The following GPC6 variants were observed in gnomAD, a reference collection of about 807,000 sequenced individuals.
GPC6 encodes the protein glypican 6.
Under a neutral mutation model 55.2 loss-of-function variants are expected in GPC6, and 14 were observed. That is an observed-to-expected ratio of 0.25 (90% CI 0.17 to 0.40). The LOEUF (loss-of-function observed/expected upper bound fraction) is 0.40. Ranked by LOEUF, GPC6 falls within the 10% of genes least tolerant of loss-of-function variation. The pLI is 1.00. For synonymous variants in GPC6, 278 were observed against 259.6 expected (o/e 1.07, Z -0.68); for missense variants, 641 against 708.5 (o/e 0.90, Z 1.08).
At chr13:93,580,949 T>C (rs1284455339) in intron 2 of GPC6, among the ~76,000 whole-genome samples, 1 of 152,184 alleles carries the variant, frequency 6.6e-6, no homozygotes, top group Non-Finnish European at 1.5e-5. Context: ...TAAAAGTGTT[T>C]TTTTTAATTA....
intron 2 of GPC6, among the ~76,000 whole-genome samples, chr13:93,772,652 A>G (rs1885340523): frequency 6.6e-6 from 1 of 152,138 alleles, no homozygotes; most frequent in African/African-American, 2.4e-5. Context: ...AAAGAAATCA[A>G]AGGCAAAGCA....
chr13:93,500,761 G>A (rs1212301186), intron 1 of GPC6, among the ~76,000 whole-genome samples: 1 of 152,140 alleles, frequency 6.6e-6, no homozygotes, highest in Non-Finnish European at 1.5e-5. Context: ...TGTAGAAAGT[G>A]TTATGCTTAA....
intron 2 of GPC6, among the ~76,000 whole-genome samples, chr13:93,694,107 C>G (rs1457879114): frequency 6.6e-6 from 1 of 152,068 alleles, no homozygotes; most frequent in Non-Finnish European, 1.5e-5. Flanking sequence ...CTGATTTTTC[C>G]AATTCTCTCT....
chr13:94,118,283 C>T (rs1282091472), intron 4 of GPC6, among the ~76,000 whole-genome samples: 2 of 152,008 alleles, frequency 1.3e-5, no homozygotes, highest in South Asian at 2.1e-4. Context: ...TTATAAAGGG[C>T]TTTTCCCCCT....
At chr13:93,262,224 G>A (rs1015780324) in intron 1 of GPC6, among the ~76,000 whole-genome samples, 3 of 152,056 alleles carry the variant, frequency 2.0e-5, no homozygotes, top group Non-Finnish European at 4.4e-5. Flanking sequence ...ATGTCAGGGG[G>A]TTGTAGTGAC....
intron 4 of GPC6, among the ~76,000 whole-genome samples, chr13:94,186,109 A>T (rs115636315): frequency 5.5e-5 from 8 of 145,648 alleles, no homozygotes; most frequent in African/African-American, 2.0e-4. Flanking sequence ...TTATTTTAAG[A>T]TATATGTTCA....
chr13:94,097,607 G>A (rs1425927883), intron 4 of GPC6, among the ~76,000 whole-genome samples: 1 of 151,090 alleles, frequency 6.6e-6, no homozygotes, highest in Non-Finnish European at 1.5e-5. Context: ...TCACAACAAT[G>A]TGAATATACT....
chr13:93,881,535 G>A (rs1874974395), intron 3 of GPC6, among the ~76,000 whole-genome samples: 1 of 151,946 alleles, frequency 6.6e-6, no homozygotes, highest in African/African-American at 2.4e-5. Flanking sequence ...TTGTTTTACT[G>A]GACAATGATT....
intron 3 of GPC6, among the ~76,000 whole-genome samples, chr13:93,924,227 C>CTTTGTAT (rs1161509673): frequency 6.6e-6 from 1 of 152,222 alleles, no homozygotes; most frequent in Admixed American, 6.5e-5. Flanking sequence ...CCTTTGTATT[C>CTTTGTAT]TGAGAAAATG....
At chr13:93,666,277 T>C (rs1881131348) in intron 2 of GPC6, among the ~76,000 whole-genome samples, 1 of 152,126 alleles carries the variant, frequency 6.6e-6, no homozygotes, top group Admixed American at 6.6e-5. Context: ...TCCCAATGAA[T>C]ACATATCTTT....
intron 4 of GPC6, among the ~76,000 whole-genome samples, chr13:94,099,080 G>A (rs551547314): frequency 6.6e-6 from 1 of 152,162 alleles, no homozygotes; most frequent in African/African-American, 2.4e-5. Flanking sequence ...CTAATTCACA[G>A]AGACTCTTTC....
At chr13:93,872,099 T>C (rs1381275178) in intron 3 of GPC6, among the ~76,000 whole-genome samples, 1 of 151,972 alleles carries the variant, frequency 6.6e-6, no homozygotes, top group African/African-American at 2.4e-5. Context: ...ATCTCTGACA[T>C]TATTTACATA....
rs142791648 is a variant in GPC6 at position 94,185,921 on chromosome 13, T to A, written c.878-100428T>A. Among the ~76,000 whole-genome samples the A allele has an allele frequency of 2.6e-4, 40 of 151,878 alleles. 1 individual carries two copies. The highest frequency in any genetic ancestry group is 9.7e-4 in the African/African-American group (40 of 41,432). On this transcript the variant is annotated intron_variant, in intron 4 of 8. Transcript: ENST00000377047. ...TAAAAATACAAAAAATTAGCCGGGC[T>A]TGGTGGCAGGCCCCTGTAGTCCCAG... is the stretch of plus-strand genomic sequence containing the variant.
intron 1 of GPC6, among the ~76,000 whole-genome samples, chr13:93,523,007 GA>G (rs145925821): frequency 4.4e-5 from 4 of 90,030 alleles, no homozygotes; most frequent in African/African-American, 7.2e-5. Context: ...AAGAAAGAGG[GA>G]AAAAATATAT....
chr13:94,396,022 C>T (rs73553850), intron 7 of GPC6, among the ~76,000 whole-genome samples: 2,111 of 152,286 alleles, frequency 0.014, 50 homozygotes, highest in African/African-American at 0.049. Flanking sequence ...GCCCCGGTCC[C>T]CTCCCTGATA....
At position 94,171,040 on chromosome 13, in the gene GPC6, A is replaced by C. The variant is rs535036448; in HGVS notation, c.878-115309A>C. On this transcript the variant is annotated intron_variant, in intron 4 of 8. Coordinates refer to ENST00000377047, the MANE Select transcript of GPC6 (RefSeq NM_005708.5). Reference sequence around the variant, plus strand: ...CTGTGAAAATAAGTGTGCCTTTTTAATTTAGCTGAGTGTTATTTCATTGTC... The same window carrying C: ...CTGTGAAAATAAGTGTGCCTTTTTACTTTAGCTGAGTGTTATTTCATTGTC... Among the ~76,000 whole-genome samples, 22 of 152,240 alleles carry C rather than the reference A, an allele frequency of 1.4e-4. No homozygotes were observed. The South Asian group carries it at 2.5e-3, about 17-fold the overall frequency.
chr13:93,872,388 C>T (rs568002419), intron 3 of GPC6, among the ~76,000 whole-genome samples: 3 of 152,078 alleles, frequency 2.0e-5, no homozygotes, highest in Admixed American at 2.0e-4. Context: ...AGCAATGCAT[C>T]CATTTCTTAT....
chr13:93,750,638 G>A (rs1033131057), intron 2 of GPC6, among the ~76,000 whole-genome samples: 6 of 152,046 alleles, frequency 3.9e-5, no homozygotes, highest in Admixed American at 6.6e-5. Context: ...CGTGTTCTCC[G>A]TTCTCAGCAG....
At chr13:93,312,407 A>G (rs1028873011) in intron 1 of GPC6, among the ~76,000 whole-genome samples, 3 of 152,086 alleles carry the variant, frequency 2.0e-5, no homozygotes, top group African/African-American at 7.2e-5. Flanking sequence ...TGCTATTTTG[A>G]GTTTTAAATT....
Sources: gnomAD v4.1 joint callset for allele counts (sites outside exome capture counted in the v4.1 genomes callset) on GRCh38, gnomAD v4.1.1 for gene constraint, MANE v1.5 for transcripts, NCBI Gene and HGNC (gene_info 2026-07-23, HGNC 2026-07-21) for gene names.